Variants in DCP2 observed in about 807,000 individuals in gnomAD.
The protein encoded by DCP2 is m7GpppN-mRNA hydrolase.
A neutral mutation model predicts 56.1 loss-of-function variants in DCP2; 30 were observed. The observed-to-expected ratio is 0.53, with a 90% CI of 0.40 to 0.73. The LOEUF (loss-of-function observed/expected upper bound fraction) is 0.73. DCP2 is among the 30% of genes least tolerant of loss of function. The pLI, the probability that DCP2 is intolerant of heterozygous loss-of-function variation, is 0.00. For synonymous variants in DCP2, 197 were observed against 163.3 expected (o/e 1.21, Z -1.57); for missense variants, 533 against 502.7 (o/e 1.06, Z -0.58).
Position 113,003,990 on chromosome 5 carries a change from T to A in DCP2, c.855T>A (p.Pro285=). 2 of 1,614,168 alleles carry A rather than the reference T, an allele frequency of 1.2e-6. No homozygotes were observed. Among genetic ancestry groups the A allele is most frequent in the Non-Finnish European group, 8.5e-7 (1 of 1,180,000 alleles). ...HSQQLFPDGS[P]GDQWVKHRQP... is the part of the protein sequence containing the mutation. ...AGCAGTTATTTCCTGACGGTTCTCC[T>A]GGTGACCAGTGGGTAAAGCACAGGC... The change falls in exon 8 of 11, where the codon CCT becomes CCA. Residue 285 remains proline, a synonymous_variant. Transcript: ENST00000389063.
At chr5:112,986,330 G>T (rs1748285549) in intron 2 of DCP2, among the ~76,000 whole-genome samples, 1 of 145,408 alleles carries the variant, frequency 6.9e-6, no homozygotes, top group Admixed American at 6.7e-5. Context: ...GATTTATTTA[G>T]AATTTTTTTT....
chr5:113,003,458 C>G (rs1316473593), intron 7 of DCP2, among the ~76,000 whole-genome samples: 1 of 152,004 alleles, frequency 6.6e-6, no homozygotes, highest in Non-Finnish European at 1.5e-5. Flanking sequence ...TGTCTGTAGT[C>G]TCAGCAACTT....
chr5:113,001,802 C>G (rs1402922569), intron 7 of DCP2, 128 bp downstream of exon 7: 1 of 828,380 alleles, frequency 1.2e-6, no homozygotes, highest in South Asian at 1.7e-5. Context: ...TTACTGGTCT[C>G]ACAGATAATA....
At chr5:112,993,790 A>G (rs1372115373) in intron 4 of DCP2, among the ~76,000 whole-genome samples, 3 of 151,868 alleles carry the variant, frequency 2.0e-5, no homozygotes, top group Non-Finnish European at 2.9e-5. Flanking sequence ...ACCGCCACCA[A>G]CTAACTCTGT....
intron 9 of DCP2, among the ~76,000 whole-genome samples, chr5:113,009,789 A>G (rs547714030): frequency 2.7e-4 from 41 of 152,356 alleles, no homozygotes; most frequent in Non-Finnish European, 2.6e-4. Context: ...ACTAGTACAT[A>G]TGATATAATT....
At position 113,010,791 on chromosome 5, in the gene DCP2, G is replaced by C. The variant is rs950741776; in HGVS notation, c.1083G>C (p.Gln361His). 1 of 1,597,084 alleles carries C rather than the reference G, an allele frequency of 6.3e-7. No individual in the cohort carries two copies. Among genetic ancestry groups the C allele is most frequent in the African/African-American group, 1.4e-5 (1 of 73,602 alleles). The change falls in exon 10 of 11, where the codon CAG becomes CAC. Residue 361 changes from glutamine to histidine, a missense_variant. Transcript: ENST00000389063. ...AGAAACTTCATCCACGGAAACTTCA[G>C]GATAATTTTGAAACAGGCAAGTCAT... ...CEKKLHPRKL[Q>H]DNFETDAVYD...
At chr5:113,011,128 A>G (rs1480538080) in intron 10 of DCP2, among the ~76,000 whole-genome samples, 1 of 152,232 alleles carries the variant, frequency 6.6e-6, no homozygotes, top group Non-Finnish European at 1.5e-5. Context: ...TGTAAAGGCT[A>G]GGAAACCTCA....
Position 113,013,313 on chromosome 5 carries a change from T to G in DCP2, c.1100-8T>G. 2.5e-6 allele frequency: 4 copies of G among 1,604,036 alleles called. No individual in the cohort carries two copies. The highest frequency in any genetic ancestry group is 3.4e-6 in the Non-Finnish European group (4 of 1,174,978). ...TGAGCTTATTTATTTTGTTTTTTCT[T>G]TAAACAGATGCTGTATATGACTTGC... On this transcript the variant is annotated splice_polypyrimidine_tract_variant and splice_region_variant and intron_variant, in intron 10 of 10. Transcript: ENST00000389063.
At chr5:112,981,455 G>C (rs1044969108) in intron 1 of DCP2, among the ~76,000 whole-genome samples, 13 of 151,976 alleles carry the variant, frequency 8.6e-5, no homozygotes, top group African/African-American at 3.1e-4. Flanking sequence ...AAAAAAATTA[G>C]GGTTGATAAT....
intron 9 of DCP2, among the ~76,000 whole-genome samples, chr5:113,008,798 A>C (rs1177393248): frequency 6.6e-6 from 1 of 152,134 alleles, no homozygotes; most frequent in Non-Finnish European, 1.5e-5. Flanking sequence ...GATGATTAAA[A>C]GGCTTTTAAT....
intron 10 of DCP2, among the ~76,000 whole-genome samples, chr5:113,011,848 A>T (rs1749691785): frequency 6.6e-6 from 1 of 152,290 alleles, no homozygotes; most frequent in South Asian, 2.1e-4. Flanking sequence ...TTCGGGTCTT[A>T]CATTTAAGTC....
At position 113,017,471 on chromosome 5, in the gene DCP2, A is replaced by G. The variant is rs1749936144; in HGVS notation, c.*3987A>G. Reference sequence around the variant, plus strand: ...TGAAAGTGCATTTGTCTAGTTGCCAAAAGTTCTAAAAATGAGATGGTGGGC... The same window carrying G: ...TGAAAGTGCATTTGTCTAGTTGCCAGAAGTTCTAAAAATGAGATGGTGGGC... On this transcript the variant is annotated 3_prime_UTR_variant, in exon 11 of 11. Coordinates refer to ENST00000389063, the MANE Select transcript of DCP2 (RefSeq NM_152624.6). 1 of 152,170 alleles carries G rather than the reference A, an allele frequency of 6.6e-6. No homozygotes were observed. The highest frequency in any genetic ancestry group is 2.4e-5 in the African/African-American group (1 of 41,428). The allele number at this position is 152,170 out of a possible 1,614,324, so 9.4% of individuals were successfully genotyped here. A position where few individuals can be genotyped will look rare whatever the true frequency, so the allele number is the denominator to read the frequency against.
At position 112,992,164 on chromosome 5, in the gene DCP2, G is replaced by A; in HGVS notation, c.249G>A (p.Val83=). 1 of 1,613,804 alleles carries A rather than the reference G, an allele frequency of 6.2e-7. No homozygotes were observed. Among genetic ancestry groups the A allele is most frequent in the South Asian group, 1.1e-5 (1 of 91,052 alleles). ...TTTTGCTGCCTCAAGGTGAAGATGTGGAAAAAGTTTTGGATGAATGGAAGG... is the reference window on the plus strand; with the variant it reads ...TTTTGCTGCCTCAAGGTGAAGATGTAGAAAAAGTTTTGGATGAATGGAAGG... ...CPFLLPQGED[V]EKVLDEWKEY... Residue 83 remains valine (V), a synonymous_variant, in exon 3 of 11, where the codon GTG becomes GTA. Coordinates refer to ENST00000389063, the MANE Select transcript of DCP2 (RefSeq NM_152624.6).
chr5:113,004,138 C>T, intron 8 of DCP2, 61 bp downstream of exon 8: 2 of 1,570,162 alleles, frequency 1.3e-6, no homozygotes, highest in Non-Finnish European at 1.7e-6. Context: ...TGAAATTTTT[C>T]TCAATTGGAG....
intron 2 of DCP2, among the ~76,000 whole-genome samples, chr5:112,987,953 T>C (rs1343830471): frequency 6.6e-6 from 1 of 152,166 alleles, no homozygotes; most frequent in Admixed American, 6.5e-5. Flanking sequence ...ATGACGTGTA[T>C]GTTTAATGGA....
intron 10 of DCP2, 147 bp from the exon 11 acceptor site, chr5:113,013,174 C>A: frequency 1.5e-6 from 1 of 673,676 alleles, no homozygotes; most frequent in Non-Finnish European, 2.3e-6. Flanking sequence ...AAGGAAAATA[C>A]ATATTTTGGT....
At chr5:112,992,971 A>T (rs1748663084) in intron 4 of DCP2, among the ~76,000 whole-genome samples, 1 of 144,542 alleles carries the variant, frequency 6.9e-6, no homozygotes, top group African/African-American at 2.6e-5. Context: ...ATCTGTTCCC[A>T]TTTTTTTTAA....
chr5:113,001,736 AT>A (rs1749190212), intron 7 of DCP2, 62 bp downstream of exon 7: 3 of 1,478,394 alleles, frequency 2.0e-6, no homozygotes, highest in Non-Finnish European at 2.8e-6. Flanking sequence ...GAATAATAGT[AT>A]TTTGCTTCTA....
At chr5:112,991,321 A>AT (rs1318017626) in intron 2 of DCP2, among the ~76,000 whole-genome samples, 1 of 152,202 alleles carries the variant, frequency 6.6e-6, no homozygotes, top group Non-Finnish European at 1.5e-5. Flanking sequence ...CTTTTTTAAA[A>AT]TTAACAGTAT....
Sources: allele counts gnomAD v4.1 joint callset (sites outside exome capture counted in the v4.1 genomes callset), GRCh38; gene constraint gnomAD v4.1.1; transcripts MANE v1.5; gene names NCBI Gene and HGNC (gene_info 2026-07-23, HGNC 2026-07-21).